The following TENM2 variants were observed in gnomAD, a reference collection of about 807,000 sequenced individuals.
The protein encoded by TENM2 is teneurin-2.
Under a neutral mutation model 245.2 loss-of-function variants are expected in TENM2, and 52 were observed. The ratio of observed to expected loss-of-function variants is 0.21; its 90% CI spans 0.17 to 0.27. The LOEUF is 0.27. Among genes scored for constraint, TENM2 ranks in the 10% least tolerant of loss-of-function variants. The pLI, the probability that TENM2 is intolerant of heterozygous loss-of-function variation, is 1.00. For missense variants in TENM2, 3,046 were observed against 3,666.8 expected (o/e 0.83, Z 4.37); for synonymous variants, 1,363 against 1,438.9 (o/e 0.95, Z 1.19).
intron 7 of TENM2, chr5:168,085,627 G>T (rs1479740602): frequency 1.3e-5 from 2 of 152,264 alleles, no homozygotes; most frequent in Admixed American, 6.5e-5. Context: ...TGAGCACTCA[G>T]CCCCTTTGAA....
At chr5:167,629,898 G>A (rs1002637489) in intron 2 of TENM2, among the ~76,000 whole-genome samples, 2 of 151,814 alleles carry the variant, frequency 1.3e-5, no homozygotes, top group Admixed American at 6.6e-5. Flanking sequence ...GGAGGAGGAG[G>A]GGGGAAAGAG....
intron 2 of TENM2, among the ~76,000 whole-genome samples, chr5:167,460,979 C>T (rs531095949): frequency 1.8e-4 from 28 of 152,222 alleles, no homozygotes; most frequent in Admixed American, 7.2e-4. Context: ...CACAAATAAG[C>T]GACTAATAAA....
the TENM2 span, among the ~76,000 whole-genome samples, chr5:167,203,552 T>C: frequency 6.6e-6 from 1 of 152,172 alleles, no homozygotes; most frequent in Non-Finnish European, 1.5e-5. Flanking sequence ...AATTGATAAC[T>C]TTCTTTCATA....
chr5:167,523,087 TC>T (rs1770872043), intron 2 of TENM2, among the ~76,000 whole-genome samples: 1 of 152,184 alleles, frequency 6.6e-6, no homozygotes, highest in Non-Finnish European at 1.5e-5. Flanking sequence ...TCAGTCTCCC[TC>T]TGCCTTTCTC....
intron 2 of TENM2, among the ~76,000 whole-genome samples, chr5:167,544,087 G>A (rs1201295453): frequency 6.6e-6 from 1 of 152,166 alleles, no homozygotes; most frequent in Non-Finnish European, 1.5e-5. Flanking sequence ...GAGTCATATG[G>A]CTGACTGTAT....
At chr5:167,328,077 A>G (rs577484424) in intron 1 of TENM2, among the ~76,000 whole-genome samples, 1 of 152,044 alleles carries the variant, frequency 6.6e-6, no homozygotes, top group African/African-American at 2.4e-5. Flanking sequence ...CCAGGTATTT[A>G]AGCTAAAAGC....
chr5:167,458,092 T>A (rs1766030708), intron 2 of TENM2, among the ~76,000 whole-genome samples: 1 of 152,204 alleles, frequency 6.6e-6, no homozygotes, highest in Admixed American at 6.5e-5. Context: ...GGAATGGTTC[T>A]TTACATTCCC....
intron 2 of TENM2, among the ~76,000 whole-genome samples, chr5:167,762,589 T>C (rs1255730248): frequency 1.3e-5 from 2 of 152,208 alleles, no homozygotes; most frequent in Admixed American, 1.3e-4. Context: ...TTTTAGATAT[T>C]CTCCTGGTAT....
intron 2 of TENM2, among the ~76,000 whole-genome samples, chr5:167,427,657 G>A (rs1417248106): frequency 1.1e-3 from 33 of 30,212 alleles, no homozygotes; most frequent in African/African-American, 1.8e-3. Flanking sequence ...GAAGGGACGG[G>A]AGGGAAGGAA....
intron 5 of TENM2, among the ~76,000 whole-genome samples, chr5:168,038,583 G>C (rs994635624): frequency 1.3e-5 from 2 of 152,188 alleles, no homozygotes; most frequent in African/African-American, 2.4e-5. Flanking sequence ...GGTTGACACT[G>C]AGTCAGTACG....
chr5:168,104,385 A>G (rs1455403225), intron 9 of TENM2, among the ~76,000 whole-genome samples: 3 of 152,160 alleles, frequency 2.0e-5, no homozygotes, highest in Non-Finnish European at 4.4e-5. Flanking sequence ...GTCCTCCCTC[A>G]TCACAAATTC....
chr5:168,238,663 T>G (rs1765825444), intron 25 of TENM2, among the ~76,000 whole-genome samples: 1 of 152,214 alleles, frequency 6.6e-6, no homozygotes. Context: ...AGCAGGGCCG[T>G]TTTGAAGACA....
chr5:167,667,966 T>C (rs1755680738), intron 2 of TENM2, among the ~76,000 whole-genome samples: 1 of 152,206 alleles, frequency 6.6e-6, no homozygotes, highest in African/African-American at 2.4e-5. Context: ...ACTCTTCATT[T>C]TGAAGTTTGT....
At chr5:167,820,280 T>C (rs545952262) in intron 2 of TENM2, among the ~76,000 whole-genome samples, 5 of 152,176 alleles carry the variant, frequency 3.3e-5, no homozygotes, top group Non-Finnish European at 7.3e-5. Flanking sequence ...TTTAATTGTA[T>C]CCATGAGGAT....
chr5:168,123,494 AG>A (rs1215469388), intron 10 of TENM2, among the ~76,000 whole-genome samples: 1 of 152,224 alleles, frequency 6.6e-6, no homozygotes, highest in East Asian at 1.9e-4. Flanking sequence ...GTGGAAGGAG[AG>A]AAAACAAAAT....
At chr5:167,128,398 C>T in the TENM2 span, among the ~76,000 whole-genome samples, 4 of 152,054 alleles carry the variant, frequency 2.6e-5, no homozygotes, top group Non-Finnish European at 5.9e-5. Context: ...GCATCAGAAA[C>T]GCCCTAGAGG....
At chr5:167,352,620 C>A (rs1412545271) in intron 1 of TENM2, among the ~76,000 whole-genome samples, 1 of 152,130 alleles carries the variant, frequency 6.6e-6, no homozygotes, top group South Asian at 2.1e-4. Context: ...AATTAATTTA[C>A]GTAGTGATTT....
intron 2 of TENM2, among the ~76,000 whole-genome samples, chr5:167,818,266 A>G (rs1051804681): frequency 7.9e-4 from 120 of 152,146 alleles, no homozygotes; most frequent in African/African-American, 2.8e-3. Context: ...AGTTTATTGA[A>G]GGCAAATGAC....
At chr5:167,919,563 T>A (rs774423782) in intron 3 of TENM2, among the ~76,000 whole-genome samples, 13 of 152,182 alleles carry the variant, frequency 8.5e-5, no homozygotes, top group Admixed American at 1.3e-4. Context: ...GAGCTCAGGT[T>A]TCCTTGGGTT....
Sources: allele counts gnomAD v4.1 joint callset (sites outside exome capture counted in the v4.1 genomes callset), GRCh38; gene constraint gnomAD v4.1.1; transcripts MANE v1.5; gene names NCBI Gene and HGNC (gene_info 2026-07-23, HGNC 2026-07-21).